Variants in TMPRSS2 observed in about 807,000 individuals in gnomAD.
TMPRSS2 encodes transmembrane serine protease 2.
TMPRSS2 carries 59 observed loss-of-function variants against 67.4 expected under a neutral mutation model. That is an observed-to-expected ratio of 0.88 (90% CI 0.71 to 1.09). The LOEUF is 1.09. TMPRSS2 is among the 50% of genes least tolerant of loss of function. The pLI, the probability that TMPRSS2 is intolerant of heterozygous loss-of-function variation, is 0.00. For synonymous variants in TMPRSS2, 257 were observed against 257.0 expected, an observed-to-expected ratio of 1.00 and a Z score of 0.00; for missense variants, 668 against 642.7, an observed-to-expected ratio of 1.04 and a Z score of -0.43.
chr21:41,476,505 G>T, intron 8 of TMPRSS2, 72 bp downstream of exon 8: 1 of 1,475,820 alleles, frequency 6.8e-7, no homozygotes, highest in Non-Finnish European at 9.5e-7. Context: ...AGAGACACAG[G>T]GAGTACTGTT....
chr21:41,489,446 C>A (rs1325474992), intron 4 of TMPRSS2, 61 bp downstream of exon 4: 2 of 1,450,144 alleles, frequency 1.4e-6, no homozygotes, highest in Non-Finnish European at 1.9e-6. Context: ...AGAGCAGGGT[C>A]TGGCTCAGAG....
rs576259678 is a variant in TMPRSS2, at chr21:41,500,197, T to C, written c.-56-2008A>G. 5.9e-5 allele frequency among the ~76,000 whole-genome samples: 9 copies of C among 152,336 alleles called. No individual in the cohort carries two copies. In the South Asian group the frequency reaches 1.9e-3, roughly 32 times the overall value. On this transcript the variant is annotated intron_variant, in intron 1 of 13. Transcript: ENST00000332149. The stretch of plus-strand genomic sequence containing the variant: ...AAGGTTCTGTGCCTCAGTTTCCCCA[T>C]CTGCAAATGCAGATAATAGTAACAC...
intron 3 of TMPRSS2, among the ~76,000 whole-genome samples, chr21:41,490,868 G>A (rs2091330063): frequency 6.6e-6 from 1 of 152,198 alleles, no homozygotes; most frequent in African/African-American, 2.4e-5. Context: ...GAGGGGAGGA[G>A]AAGGCATTTG....
At position 41,508,090 on chromosome 21, in the gene TMPRSS2, T is replaced by G; in HGVS notation, c.-66A>C. 5 of 1,238,160 alleles carry G rather than the reference T, an allele frequency of 4.0e-6. No homozygotes were observed. Among genetic ancestry groups the G allele is most frequent in the Non-Finnish European group, 5.1e-6 (5 of 971,542 alleles). 76.7% of individuals were successfully genotyped at this position (1,238,160 alleles called of 1,614,324 possible). A position where few individuals can be genotyped will look rare whatever the true frequency, so the allele number is the denominator to read the frequency against. On this transcript the variant is annotated 5_prime_UTR_variant, in exon 1 of 14. Coordinates refer to ENST00000332149, the MANE Select transcript of TMPRSS2 (RefSeq NM_005656.4). ...TACCGGCGCCGCTCACCTGCCGCGC[T>G]CCAGGCGGCGCTCCCCGCCCCTCGC...
intron 3 of TMPRSS2, 128 bp downstream of exon 3, chr21:41,494,228 G>C: frequency 9.9e-7 from 1 of 1,005,888 alleles, no homozygotes. Flanking sequence ...GGCTGGCTCC[G>C]GAAGACGGAG....
chr21:41,473,956 G>A (rs1223881261), intron 8 of TMPRSS2, among the ~76,000 whole-genome samples: 2 of 76,214 alleles, frequency 2.6e-5, no homozygotes. Flanking sequence ...GTGAGGGGGT[G>A]AGTGGGTAAT....
chr21:41,473,185 G>A, intron 9 of TMPRSS2, 140 bp downstream of exon 9: 1 of 999,264 alleles, frequency 1.0e-6, no homozygotes, highest in Non-Finnish European at 1.4e-6. Flanking sequence ...ATGTCTCACA[G>A]CCCTAGGAAG....
chr21:41,505,464 G>A lies in TMPRSS2; in HGVS notation c.-57+2617C>T, dbSNP rs962010285. 3.9e-5 allele frequency among the ~76,000 whole-genome samples: 6 copies of A among 152,296 alleles called. No individual in the cohort carries two copies. In the South Asian group the frequency reaches 1.2e-3, roughly 32 times the overall value. ...TGGTGGTGGTGGTTACTGGCATAAG[G>A]TACTGCACGCATCTACCTTTTCACC... On this transcript the variant is annotated intron_variant, in intron 1 of 13. Transcript: ENST00000332149.
At chr21:41,479,052 G>A in intron 7 of TMPRSS2, 120 bp downstream of exon 7, 3 of 762,906 alleles carry the variant, frequency 3.9e-6, no homozygotes, top group Non-Finnish European at 6.5e-6. Flanking sequence ...TCCTCCCAAT[G>A]CAAAACCCAT....
At chr21:41,486,656 GA>G in intron 5 of TMPRSS2, 1 of 152,174 alleles carries the variant, frequency 6.6e-6, no homozygotes, top group Non-Finnish European at 1.5e-5. Context: ...AAAGAGAAAC[GA>G]GCCAGCTCCC....
At chr21:41,502,518 C>T in intron 1 of TMPRSS2, 1 of 985,380 alleles carries the variant, frequency 1.0e-6, no homozygotes, top group Non-Finnish European at 1.2e-6. Flanking sequence ...GCACCACCAC[C>T]ACCATCCACG....
rs1170078511 is a variant in TMPRSS2 at position 41,465,095 on chromosome 21, CCAGT to C, written c.*1043_*1046del. The C allele has an allele frequency of 8.6e-6, 2 of 233,496 alleles. No homozygotes were observed. Among genetic ancestry groups the C allele is most frequent in the African/African-American group, 4.4e-5 (2 of 45,316 alleles). 14.5% of individuals were successfully genotyped at this position (233,496 alleles called of 1,614,324 possible). On this transcript the variant is annotated 3_prime_UTR_variant, in exon 14 of 14. Transcript: ENST00000332149. ...CATTTATAGAACGTTAAGTCAGGAG[CCAGT>C]CATTTTGTCAAAGCAGCTGAAATAG...
rs2091070028 is a variant in TMPRSS2, at chr21:41,464,599, C to T, written c.*1543G>A. The T allele has an allele frequency of 4.3e-6, 1 of 231,890 alleles. No individual in the cohort carries two copies. The highest frequency in any genetic ancestry group is 8.5e-6 in the Non-Finnish European group (1 of 117,204). The allele number at this position is 231,890 out of a possible 1,614,324, so 14.4% of individuals were successfully genotyped here. A position where few individuals can be genotyped will look rare whatever the true frequency, so the allele number is the denominator to read the frequency against. ...AATTTATTTGCATGATATTCATTTT[C>T]ACAATTGAACTTTACAGTTTAAAAA... On this transcript the variant is annotated 3_prime_UTR_variant, in exon 14 of 14. Coordinates refer to ENST00000332149, the MANE Select transcript of TMPRSS2 (RefSeq NM_005656.4).
chr21:41,480,822 G>A (rs1047898961), intron 5 of TMPRSS2, among the ~76,000 whole-genome samples: 1 of 152,056 alleles, frequency 6.6e-6, no homozygotes, highest in Admixed American at 6.5e-5. Context: ...TGTTTTATTA[G>A]AGATGGGGTT....
At chr21:41,503,265 G>A (rs1290498279) in intron 1 of TMPRSS2, among the ~76,000 whole-genome samples, 2 of 152,250 alleles carry the variant, frequency 1.3e-5, no homozygotes, top group Non-Finnish European at 2.9e-5. Flanking sequence ...CTCAAGCTGA[G>A]TGCAACCTGG....
At chr21:41,472,553 G>A (rs893362941) in intron 9 of TMPRSS2, among the ~76,000 whole-genome samples, 4 of 152,224 alleles carry the variant, frequency 2.6e-5, no homozygotes, top group Admixed American at 2.6e-4. Flanking sequence ...GGTGTGAAGA[G>A]GGGGAGAGAA....
At chr21:41,488,195 T>C (rs889327127) in intron 5 of TMPRSS2, among the ~76,000 whole-genome samples, 199 bp downstream of exon 5, 1 of 152,124 alleles carries the variant, frequency 6.6e-6, no homozygotes, top group Admixed American at 6.5e-5. Context: ...GGCCCTGTCA[T>C]CTCCCACCTG....
At chr21:41,487,915 C>A (rs953565785) in intron 5 of TMPRSS2, 1 of 153,664 alleles carries the variant, frequency 6.5e-6, no homozygotes. Context: ...GCCTCAGCCT[C>A]CTGAATAGCT....
Position 41,469,127 on chromosome 21 carries a change from A to C in TMPRSS2, c.1172-589T>G, listed in dbSNP as rs150382508. ...CCTCCGTCACACCTTCTCCCACCCC[A>C]AATTCTCACCAACCAATATTTCCTG... On this transcript the variant is annotated intron_variant, in intron 11 of 13. Transcript: ENST00000332149. Among the ~76,000 whole-genome samples the C allele has an allele frequency of 4.4e-3, 676 of 151,998 alleles. 5 individuals are homozygous for C. Among genetic ancestry groups the C allele is most frequent in the African/African-American group, 0.015 (638 of 41,448 alleles).
Sources: gnomAD v4.1 joint callset for allele counts (sites outside exome capture counted in the v4.1 genomes callset) on GRCh38, gnomAD v4.1.1 for gene constraint, MANE v1.5 for transcripts, NCBI Gene and HGNC (gene_info 2026-07-23, HGNC 2026-07-21) for gene names.